The following SPICE1 variants were observed in gnomAD, a reference collection of about 807,000 sequenced individuals.
SPICE1 encodes spindle and centriole-associated protein 1.
SPICE1 carries 75 observed loss-of-function variants against 102.7 expected under a neutral mutation model. That is an observed-to-expected ratio of 0.73 (90% CI 0.61 to 0.88). The LOEUF (loss-of-function observed/expected upper bound fraction) is 0.88. SPICE1 is among the 40% of genes least tolerant of loss of function. The pLI is 0.00. For missense variants in SPICE1, 979 were observed against 1,020.1 expected, an observed-to-expected ratio of 0.96 and a Z score of 0.55; for synonymous variants, 308 against 350.3, an observed-to-expected ratio of 0.88 and a Z score of 1.35.
chr3:113,460,288 A>G (rs1935898737), intron 12 of SPICE1: 1 of 959,410 alleles, frequency 1.0e-6, no homozygotes, highest in Non-Finnish European at 1.2e-6. Context: ...CAGTTCTGCT[A>G]CTTTCTACCT....
At chr3:113,481,733 C>A (rs1447500558) in intron 7 of SPICE1, among the ~76,000 whole-genome samples, 3 of 152,136 alleles carry the variant, frequency 2.0e-5, no homozygotes, top group Non-Finnish European at 4.4e-5. Context: ...CATGTCCCTG[C>A]AAAGGACATG....
At chr3:113,481,102 CA>C (rs1330919611) in intron 7 of SPICE1, among the ~76,000 whole-genome samples, 2 of 151,922 alleles carry the variant, frequency 1.3e-5, no homozygotes, top group Non-Finnish European at 2.9e-5. Flanking sequence ...ACTTAGATAA[CA>C]AGGAAAACAA....
rs755737932 is a variant in SPICE1 at position 113,453,855 on chromosome 3, G to A, written c.1753C>T (p.Pro585Ser). Residue 585 changes from proline to serine, a missense_variant, in exon 14 of 18, where the codon CCT becomes TCT. By Grantham distance (74) the Pro-to-Ser change is moderately conservative (BLOSUM62 -1). Coordinates refer to ENST00000295872, the MANE Select transcript of SPICE1 (RefSeq NM_144718.4). ...GAATTCTGAATGTCTGTATCAATAG[G>A]TAAGGTCTTCTCTTCCCAATTTTGT... ...KEQNWEEKTLPIDTDIQNSSE... is the reference protein window; with the variant it reads ...KEQNWEEKTLSIDTDIQNSSE... 5 of 1,614,192 alleles carry A rather than the reference G, an allele frequency of 3.1e-6. No individual in the cohort carries two copies. In the South Asian group the frequency reaches 3.3e-5, roughly 11 times the overall value.
chr3:113,502,194 G>T (rs1331391828), intron 3 of SPICE1, among the ~76,000 whole-genome samples: 1 of 152,078 alleles, frequency 6.6e-6, no homozygotes, highest in East Asian at 1.9e-4. Flanking sequence ...TGGGCAAGAC[G>T]GCAAAACCCT....
chr3:113,474,376 C>G (rs1157984300), intron 7 of SPICE1, among the ~76,000 whole-genome samples: 1 of 152,118 alleles, frequency 6.6e-6, no homozygotes, highest in Non-Finnish European at 1.5e-5. Context: ...TTAGACAGAT[C>G]AATGAGATAG....
At chr3:113,485,084 T>A (rs1312431826) in intron 7 of SPICE1, among the ~76,000 whole-genome samples, 2 of 151,772 alleles carry the variant, frequency 1.3e-5, no homozygotes, top group African/African-American at 4.8e-5. Context: ...AGAGACTCCC[T>A]CCAGTGCCTA....
chr3:113,465,582 G>A, intron 11 of SPICE1, 71 bp downstream of exon 11: 1 of 1,398,968 alleles, frequency 7.1e-7, no homozygotes, highest in Non-Finnish European at 9.8e-7. Flanking sequence ...GCAACTCTAA[G>A]AGAATCCAGT....
chr3:113,456,428 T>A (rs189605984), intron 13 of SPICE1, among the ~76,000 whole-genome samples: 244 of 152,158 alleles, frequency 1.6e-3, no homozygotes, highest in Non-Finnish European at 2.3e-3. Flanking sequence ...ACTAAAGACC[T>A]CTTTAAAAAT....
At chr3:113,486,682 AT>A (rs1051632013) in intron 7 of SPICE1, among the ~76,000 whole-genome samples, 3 of 151,800 alleles carry the variant, frequency 2.0e-5, no homozygotes, top group African/African-American at 7.2e-5. Flanking sequence ...ATATAAATGG[AT>A]ATGTTAATTA....
chr3:113,484,518 G>A (rs867067079), intron 7 of SPICE1, among the ~76,000 whole-genome samples: 3 of 152,090 alleles, frequency 2.0e-5, no homozygotes, highest in Non-Finnish European at 4.4e-5. Flanking sequence ...GGCATTTAGT[G>A]CTATAAATTT....
intron 8 of SPICE1, 66 bp downstream of exon 8, chr3:113,469,033 A>C (rs1936130832): frequency 6.4e-7 from 1 of 1,569,392 alleles, no homozygotes; most frequent in African/African-American, 1.4e-5. Flanking sequence ...TCCTTCAAAA[A>C]TTACTGCATT....
chr3:113,503,222 G>T lies in SPICE1; in HGVS notation c.105C>A (p.Thr35=). The change falls in exon 3 of 18, where the codon ACC becomes ACA. Residue 35 remains threonine, a synonymous_variant. Coordinates refer to ENST00000295872, the MANE Select transcript of SPICE1 (RefSeq NM_144718.4). ...CCCGATGAACGGTTAGATCAGTCAC[G>T]GTATTCTGTAAAAAAAGGTGGCCTT... ...KTSVKQEWDN[T]VTDLTVHRAT... The T allele has an allele frequency of 1.9e-6, 3 of 1,576,204 alleles. No homozygotes were observed. The highest frequency in any genetic ancestry group is 2.6e-6 in the Non-Finnish European group (3 of 1,167,436).
chr3:113,446,804 C>T (rs979601488), intron 16 of SPICE1, 128 bp from the exon 17 acceptor site: 7 of 724,090 alleles, frequency 9.7e-6, no homozygotes, highest in South Asian at 4.9e-5. Flanking sequence ...TTAGGTCCAA[C>T]GAGGTAAATT....
At chr3:113,485,491 C>T (rs114943518) in intron 7 of SPICE1, among the ~76,000 whole-genome samples, 7,288 of 152,096 alleles carry the variant, frequency 0.048, 218 homozygotes, top group East Asian at 0.1. Flanking sequence ...TGGAGCCTAC[C>T]GAAGCTCAGC....
chr3:113,480,223 C>T (rs1333180208), intron 7 of SPICE1, among the ~76,000 whole-genome samples: 2 of 149,894 alleles, frequency 1.3e-5, no homozygotes, highest in Admixed American at 1.3e-4. Context: ...CACTTCCCCA[C>T]AGAAAAAAAA....
intron 1 of SPICE1, 72 bp downstream of exon 1, chr3:113,514,825 G>A (rs1559980922): frequency 1.6e-6 from 2 of 1,253,786 alleles, no homozygotes; most frequent in South Asian, 1.3e-5. Flanking sequence ...CCCGAAAGCG[G>A]TGCGCACGCG....
At chr3:113,475,637 A>C (rs535377126) in intron 7 of SPICE1, among the ~76,000 whole-genome samples, 1 of 152,150 alleles carries the variant, frequency 6.6e-6, no homozygotes, top group African/African-American at 2.4e-5. Flanking sequence ...AATATACGCA[A>C]ATCAATAAAT....
chr3:113,466,472 T>C (rs150795836), intron 10 of SPICE1, among the ~76,000 whole-genome samples: 3,907 of 151,902 alleles, frequency 0.026, 62 homozygotes, highest in East Asian at 0.053. Context: ...TAACTGGGCG[T>C]GGTGGTGCAC....
At chr3:113,473,021 G>C (rs1936245100) in intron 7 of SPICE1, among the ~76,000 whole-genome samples, 1 of 152,146 alleles carries the variant, frequency 6.6e-6, no homozygotes, top group African/African-American at 2.4e-5. Flanking sequence ...CAAAGGCAAA[G>C]AAGTTAAAAA....
Sources: gnomAD v4.1 joint callset for allele counts (sites outside exome capture counted in the v4.1 genomes callset) on GRCh38, gnomAD v4.1.1 for gene constraint, MANE v1.5 for transcripts, NCBI Gene and HGNC (gene_info 2026-07-23, HGNC 2026-07-21) for gene names.